Variants in PRUNE2 observed in about 807,000 individuals in gnomAD.
PRUNE2 encodes protein prune homolog 2.
Under a neutral mutation model 252.0 loss-of-function variants are expected in PRUNE2, and 164 were observed. That is an observed-to-expected ratio of 0.65 (90% confidence interval 0.57 to 0.74). The LOEUF is 0.74. Ranked by LOEUF, PRUNE2 falls within the 30% of genes least tolerant of loss-of-function variation. The probability of loss-of-function intolerance (pLI) is 0.00; values close to 1 mark genes in which losing one functional copy is unlikely to be tolerated. For synonymous variants in PRUNE2, 1,292 were observed against 1,350.2 expected, an observed-to-expected ratio of 0.96 and a Z score of 0.94; for missense variants, 3,495 against 3,711.0, an observed-to-expected ratio of 0.94 and a Z score of 1.51.
At chr9:76,773,775 G>GAATGTTTTTTTCCCTGTTC (rs2053392032) in intron 6 of PRUNE2, among the ~76,000 whole-genome samples, 1 of 152,182 alleles carries the variant, frequency 6.6e-6, no homozygotes, top group Non-Finnish European at 1.5e-5. Context: ...AGTAATGTAA[G>GAATGTTTTTTTCCCTGTTC]AATGTTTTTT....
chr9:76,726,378 G>A (rs1588870654), intron 6 of PRUNE2, among the ~76,000 whole-genome samples: 3 of 152,222 alleles, frequency 2.0e-5, no homozygotes, highest in Admixed American at 2.0e-4. Flanking sequence ...GCACGAAGGT[G>A]TAACACGCAT....
intron 18 of PRUNE2, among the ~76,000 whole-genome samples, chr9:76,616,769 G>A (rs550824548): frequency 1.6e-4 from 24 of 152,224 alleles, no homozygotes; most frequent in Non-Finnish European, 2.6e-4. Context: ...GAACAGCAAC[G>A]TTGTGGAGTT....
chr9:76,822,743 G>T (rs1286691405), intron 6 of PRUNE2, among the ~76,000 whole-genome samples: 1 of 152,092 alleles, frequency 6.6e-6, no homozygotes, highest in Non-Finnish European at 1.5e-5. Context: ...GGAGGTGGAG[G>T]TTGCAGTGAG....
In PRUNE2 at chr9:76,706,623, G is replaced by A; in HGVS notation, c.5651C>T (p.Thr1884Ile). The change falls in exon 8 of 19, where the codon ACT (threonine) becomes ATT (isoleucine). Residue 1884 changes from threonine (T) to isoleucine (I), a missense_variant. Coordinates refer to ENST00000376718, the MANE Select transcript of PRUNE2 (RefSeq NM_015225.3). ...GDIEPVETHYTNPFSDNHQSP... is the reference protein window; with the variant it reads ...GDIEPVETHYINPFSDNHQSP... ...CTGATGGTTGTCACTAAAAGGATTA[G>A]TATAGTGTGTTTCCACGGGCTCAAT... 3 of 1,613,952 alleles carry A rather than the reference G, an allele frequency of 1.9e-6. No homozygotes were observed. The highest frequency in any genetic ancestry group is 2.5e-6 in the Non-Finnish European group (3 of 1,179,888).
chr9:76,808,176 T>G (rs1483748316), intron 6 of PRUNE2, among the ~76,000 whole-genome samples: 1 of 151,928 alleles, frequency 6.6e-6, no homozygotes, highest in Non-Finnish European at 1.5e-5. Flanking sequence ...AGCGAAACTC[T>G]GTGTCAAAAA....
At chr9:76,901,637 A>G (rs2063181277) in intron 1 of PRUNE2, among the ~76,000 whole-genome samples, 1 of 152,078 alleles carries the variant, frequency 6.6e-6, no homozygotes, top group African/African-American at 2.4e-5. Flanking sequence ...TTAAAACCCC[A>G]TCTCCTGTAA....
rs10123385 is a variant in PRUNE2, at chr9:76,648,718, A to G, written c.8557+3765T>C. Among the ~76,000 whole-genome samples the G allele has an allele frequency of 4.3e-3, 659 of 152,354 alleles. 5 individuals carry two copies. Among genetic ancestry groups the G allele is most frequent in the African/African-American group, 0.015 (625 of 41,586 alleles). ...CAGAAAAACGATTCTGTATGATACT[A>G]CAATGGTGGATAAATGCTGCCACTA... On this transcript the variant is annotated intron_variant, in intron 11 of 18. Transcript: ENST00000376718.
intron 1 of PRUNE2, among the ~76,000 whole-genome samples, chr9:76,879,884 T>TAC: frequency 2.5e-5 from 2 of 79,014 alleles, no homozygotes; most frequent in Non-Finnish European, 4.8e-5. Context: ...CTGTCATATA[T>TAC]ATATATATAT....
At chr9:76,662,055 A>C (rs2039192895) in intron 9 of PRUNE2, among the ~76,000 whole-genome samples, 1 of 152,162 alleles carries the variant, frequency 6.6e-6, no homozygotes, top group Admixed American at 6.5e-5. Flanking sequence ...CCAAACAATA[A>C]AGCCCTGCAC....
At chr9:76,890,855 A>G (rs1015803785) in intron 1 of PRUNE2, among the ~76,000 whole-genome samples, 1 of 152,240 alleles carries the variant, frequency 6.6e-6, no homozygotes, top group African/African-American at 2.4e-5. Context: ...CTTGACTTCC[A>G]GCTGCCTAGA....
intron 6 of PRUNE2, among the ~76,000 whole-genome samples, chr9:76,817,497 GAGC>G (rs904645257): frequency 4.6e-5 from 7 of 152,096 alleles, no homozygotes; most frequent in African/African-American, 1.7e-4. Flanking sequence ...AATGAAATAT[GAGC>G]AGAAGTGATG....
intron 1 of PRUNE2, among the ~76,000 whole-genome samples, chr9:76,894,450 G>C (rs1437640445): frequency 6.6e-6 from 1 of 152,218 alleles, no homozygotes; most frequent in Non-Finnish European, 1.5e-5. Flanking sequence ...TCAGGGAGCA[G>C]CCAGGCACGT....
At chr9:76,670,791 C>A (rs1248854690) in intron 9 of PRUNE2, among the ~76,000 whole-genome samples, 1 of 151,788 alleles carries the variant, frequency 6.6e-6, no homozygotes, top group Non-Finnish European at 1.5e-5. Context: ...AGCAGGGGCA[C>A]ACTGACACCT....
At chr9:76,826,545 G>A (rs2058356660) in intron 5 of PRUNE2, 35 bp downstream of exon 5, 2 of 1,493,086 alleles carry the variant, frequency 1.3e-6, no homozygotes, top group Non-Finnish European at 1.8e-6. Flanking sequence ...TCCCTACTCG[G>A]GAGGGACAAG....
chr9:76,877,555 T>C (rs1336071092), intron 1 of PRUNE2, among the ~76,000 whole-genome samples: 1 of 152,010 alleles, frequency 6.6e-6, no homozygotes, highest in Non-Finnish European at 1.5e-5. Flanking sequence ...ATTTCATGAA[T>C]TGCTGCACTC....
At chr9:76,852,802 G>GTCTATCTATCTA (rs752466371) in intron 2 of PRUNE2, among the ~76,000 whole-genome samples, 8 of 150,376 alleles carry the variant, frequency 5.3e-5, no homozygotes, top group South Asian at 2.1e-4. Flanking sequence ...CCATCTGTCT[G>GTCTATCTATCTA]TCTGTCTATC....
chr9:76,855,216 C>T (rs904977413), intron 1 of PRUNE2, among the ~76,000 whole-genome samples: 1 of 151,586 alleles, frequency 6.6e-6, no homozygotes, highest in African/African-American at 2.4e-5. Flanking sequence ...AAAGAACCAA[C>T]TGCTTCTAGT....
intron 1 of PRUNE2, chr9:76,856,329 C>T (rs752930785): frequency 6.6e-6 from 1 of 152,210 alleles, no homozygotes; most frequent in African/African-American, 2.4e-5. Context: ...TACAGCAAGA[C>T]TTCAGACATT....
At chr9:76,649,657 T>C (rs572315727) in intron 11 of PRUNE2, among the ~76,000 whole-genome samples, 26 of 119,712 alleles carry the variant, frequency 2.2e-4, no homozygotes, top group Admixed American at 1.4e-3. Flanking sequence ...ATAGGCTTTT[T>C]GTCTCAGTAA....
Sources: allele counts gnomAD v4.1 joint callset (sites outside exome capture counted in the v4.1 genomes callset), GRCh38; gene constraint gnomAD v4.1.1; transcripts MANE v1.5; gene names NCBI Gene and HGNC (gene_info 2026-07-23, HGNC 2026-07-21).